The following MIR2052HG variants were observed in gnomAD, a reference collection of about 807,000 sequenced individuals.
The protein encoded by MIR2052HG is MIR2052 host gene.
chr8:74,603,450 C>A, intron 1 of MIR2052HG: 4 of 1,607,324 alleles, frequency 2.5e-6, no homozygotes, highest in Non-Finnish European at 3.4e-6. Flanking sequence ...TCTGACGGAT[C>A]TCATTTATTT....
chr8:74,661,839 A>T (rs905949571), intron 2 of MIR2052HG, among the ~76,000 whole-genome samples: 5 of 152,186 alleles, frequency 3.3e-5, no homozygotes, highest in Admixed American at 2.6e-4. Context: ...AAGCATCCCT[A>T]TGTTGTATGG....
chr8:74,621,681 G>T (rs2128732752), intron 2 of MIR2052HG, among the ~76,000 whole-genome samples: 1 of 152,316 alleles, frequency 6.6e-6, no homozygotes, highest in East Asian at 1.9e-4. Context: ...TGCTTGACAT[G>T]TGGGGATTAC....
At chr8:74,687,882 A>G (rs574501494) in intron 2 of MIR2052HG, among the ~76,000 whole-genome samples, 26 of 152,242 alleles carry the variant, frequency 1.7e-4, no homozygotes, top group African/African-American at 4.6e-4. Context: ...AGTGTTGGGT[A>G]TGTTTATTAC....
At chr8:74,688,469 G>A (rs1809205966) in intron 2 of MIR2052HG, among the ~76,000 whole-genome samples, 1 of 151,620 alleles carries the variant, frequency 6.6e-6, no homozygotes, top group African/African-American at 2.4e-5. Context: ...TAGTATACAC[G>A]AGCTATACAT....
chr8:74,704,386 T>C (rs1809387692), intron 4 of MIR2052HG, among the ~76,000 whole-genome samples: 1 of 152,150 alleles, frequency 6.6e-6, no homozygotes, highest in East Asian at 1.9e-4. Context: ...GTGCCAAAGA[T>C]AGATGGAGTC....
At chr8:74,734,713 C>T (rs117268039) in intron 4 of MIR2052HG, among the ~76,000 whole-genome samples, 5,002 of 152,308 alleles carry the variant, frequency 0.033, 141 homozygotes, top group Non-Finnish European at 0.045. Context: ...AGCTCTGAGG[C>T]CACTGCAGAG....
rs372586845 is a variant in MIR2052HG at position 74,660,332 on chromosome 8, G to A, written n.217-42047G>A. Among the ~76,000 whole-genome samples the A allele has an allele frequency of 5.9e-5, 9 of 152,296 alleles. No individual in the cohort carries two copies. The South Asian group carries it at 1.9e-3, about 32-fold the overall frequency. ...CTTCAGTTTCAAATTCCTGAAAGAA[G>A]ACTCTGGCCCAGCTCATTTTTTGAA... On this transcript the variant is annotated intron_variant and non_coding_transcript_variant, in intron 2 of 6. Transcript: ENST00000523442.
In MIR2052HG at chr8:74,609,265, G is replaced by A. The variant is rs527478504; in HGVS notation, n.129-3588G>A. 2.0e-5 allele frequency among the ~76,000 whole-genome samples: 3 copies of A among 151,984 alleles called. No individual in the cohort carries two copies. In the South Asian group the frequency reaches 6.2e-4, roughly 32 times the overall value. The stretch of plus-strand genomic sequence containing the variant: ...TTACTGAGGAAGAAATAGATAACCT[G>A]AATAGTCCCATATTTAGTAAAATAG... On this transcript the variant is annotated intron_variant and non_coding_transcript_variant, in intron 1 of 6. Coordinates refer to ENST00000523442, the Ensembl canonical transcript of MIR2052HG.
intron 2 of MIR2052HG, among the ~76,000 whole-genome samples, chr8:74,699,401 T>C (rs772579111): frequency 9.8e-6 from 1 of 102,564 alleles, no homozygotes. Flanking sequence ...AGTATGTGTA[T>C]GTGTGTGTGT....
At chr8:74,650,698 A>G (rs974851224) in intron 2 of MIR2052HG, among the ~76,000 whole-genome samples, 5 of 152,118 alleles carry the variant, frequency 3.3e-5, no homozygotes, top group East Asian at 1.9e-4. Context: ...GCCCTCATCA[A>G]TAGTACCTGT....
chr8:74,632,596 T>A (rs1808526908), intron 2 of MIR2052HG: 1 of 152,196 alleles, frequency 6.6e-6, no homozygotes, highest in Non-Finnish European at 1.5e-5. Context: ...AAAATTATAA[T>A]TTGCTGCATA....
At chr8:74,732,106 A>G (rs1291113763) in intron 4 of MIR2052HG, among the ~76,000 whole-genome samples, 1 of 152,196 alleles carries the variant, frequency 6.6e-6, no homozygotes, top group African/African-American at 2.4e-5. Context: ...GCTTCAACCA[A>G]CCATGAATGG....
chr8:74,663,346 G>A (rs1808887601), intron 2 of MIR2052HG, among the ~76,000 whole-genome samples: 1 of 152,108 alleles, frequency 6.6e-6, no homozygotes, highest in Non-Finnish European at 1.5e-5. Flanking sequence ...TTAAAAGGAG[G>A]CCTGTGACTT....
intron 2 of MIR2052HG, among the ~76,000 whole-genome samples, chr8:74,629,799 A>C (rs558259731): frequency 1.8e-4 from 28 of 152,216 alleles, no homozygotes; most frequent in African/African-American, 6.0e-4. Flanking sequence ...CTCTTTGACA[A>C]AGCTTGAATA....
chr8:74,659,978 G>C (rs183653583), intron 2 of MIR2052HG, among the ~76,000 whole-genome samples: 2 of 152,124 alleles, frequency 1.3e-5, no homozygotes, highest in Non-Finnish European at 2.9e-5. Context: ...ATAAGAAACA[G>C]AGATATGCAT....
intron 1 of MIR2052HG, among the ~76,000 whole-genome samples, chr8:74,600,419 A>C (rs1807978792): frequency 6.6e-6 from 1 of 151,454 alleles, no homozygotes; most frequent in African/African-American, 2.4e-5. Context: ...CCCCGTTTCC[A>C]CTAAAAATAC....
intron 2 of MIR2052HG, among the ~76,000 whole-genome samples, chr8:74,652,015 T>C (rs1446533596): frequency 2.0e-5 from 3 of 152,216 alleles, no homozygotes; most frequent in African/African-American, 7.2e-5. Context: ...CTGTCTCGCC[T>C]TATTTCTCAG....
intron 2 of MIR2052HG, among the ~76,000 whole-genome samples, chr8:74,644,801 G>T (rs1808674726): frequency 6.6e-6 from 1 of 152,020 alleles, no homozygotes; most frequent in East Asian, 1.9e-4. Flanking sequence ...TGAGGTTGGA[G>T]TATCATTTGA....
intron 4 of MIR2052HG, among the ~76,000 whole-genome samples, chr8:74,712,560 C>T (rs1809480343): frequency 6.6e-6 from 1 of 152,098 alleles, no homozygotes; most frequent in South Asian, 2.1e-4. Flanking sequence ...AATGTTTTGT[C>T]CAAGATCAAA....
Sources: allele counts gnomAD v4.1 joint callset (sites outside exome capture counted in the v4.1 genomes callset), GRCh38; gene constraint gnomAD v4.1.1; transcripts MANE v1.5; gene names NCBI Gene and HGNC (gene_info 2026-07-23, HGNC 2026-07-21).